Variants in DAB2IP observed in about 807,000 individuals in gnomAD.
DAB2IP encodes disabled homolog 2-interacting protein.
A neutral mutation model predicts 107.2 loss-of-function variants in DAB2IP; 28 were observed. That is an observed-to-expected ratio of 0.26 (90% CI 0.19 to 0.36). The LOEUF (loss-of-function observed/expected upper bound fraction) is 0.36, where lower values mean the gene tolerates loss of function less well. Ranked by LOEUF, DAB2IP falls within the 10% of genes least tolerant of loss-of-function variation. The pLI, the probability that DAB2IP is intolerant of heterozygous loss-of-function variation, is 1.00. For synonymous variants in DAB2IP, 755 were observed against 706.4 expected (o/e 1.07, Z -1.09); for missense variants, 1,400 against 1,644.7 (o/e 0.85, Z 2.57).
At chr9:121,596,036 T>C (rs1354859218) in intron 1 of DAB2IP, among the ~76,000 whole-genome samples, 1 of 151,764 alleles carries the variant, frequency 6.6e-6, no homozygotes, top group Non-Finnish European at 1.5e-5. Flanking sequence ...AATAAAAATA[T>C]TAGGCCAGGC....
At chr9:121,771,427 TC>T (rs1336526697) in intron 11 of DAB2IP, among the ~76,000 whole-genome samples, 1 of 152,020 alleles carries the variant, frequency 6.6e-6, no homozygotes, top group Non-Finnish European at 1.5e-5. Context: ...GAGTGTGGTC[TC>T]CCCCAAGGTG....
chr9:121,645,774 C>T (rs546713586), intron 1 of DAB2IP, among the ~76,000 whole-genome samples: 46 of 152,322 alleles, frequency 3.0e-4, no homozygotes, highest in African/African-American at 7.9e-4. Context: ...TCGGACATTC[C>T]GGGGCTTTAT....
At chr9:121,688,905 C>A (rs992977517) in intron 2 of DAB2IP, among the ~76,000 whole-genome samples, 5 of 152,226 alleles carry the variant, frequency 3.3e-5, no homozygotes, top group African/African-American at 1.2e-4. Context: ...AGCCCCCACA[C>A]TGGGTGTCTG....
intron 1 of DAB2IP, among the ~76,000 whole-genome samples, chr9:121,569,597 A>T (rs1589365523): frequency 6.6e-6 from 1 of 152,236 alleles, no homozygotes; most frequent in South Asian, 2.1e-4. Flanking sequence ...AGGCAGGTGG[A>T]TCACTTGAAG....
chr9:121,579,467 C>T (rs548177525), intron 1 of DAB2IP, among the ~76,000 whole-genome samples: 3 of 152,248 alleles, frequency 2.0e-5, no homozygotes, highest in Non-Finnish European at 2.9e-5. Flanking sequence ...CACCATCCCT[C>T]CTCACATCTG....
chr9:121,783,513 T>C (rs1487353949), exon 16 of DAB2IP: 1 of 1,613,632 alleles, frequency 6.2e-7, no homozygotes, highest in Non-Finnish European at 8.5e-7. Context: ...GGTGGATAAC[T>C]GTGATTTTTT....
At chr9:121,567,744 A>C (rs1452826253) in intron 1 of DAB2IP, among the ~76,000 whole-genome samples, 1 of 152,148 alleles carries the variant, frequency 6.6e-6, no homozygotes, top group Non-Finnish European at 1.5e-5. Flanking sequence ...GAAGCTCTGC[A>C]TGCATTATTG....
intron 1 of DAB2IP, among the ~76,000 whole-genome samples, chr9:121,600,429 G>A (rs749367142): frequency 6.6e-6 from 1 of 152,182 alleles, no homozygotes; most frequent in African/African-American, 2.4e-5. Flanking sequence ...AACGCCACCT[G>A]CTTCCAGTGC....
intron 3 of DAB2IP, chr9:121,737,367 C>A (rs1410399009): frequency 1.0e-6 from 1 of 985,350 alleles, no homozygotes; most frequent in East Asian, 1.1e-4. Flanking sequence ...ATGTTGTCAT[C>A]ACTGTGTTTA....
At chr9:121,652,080 C>A (rs1242354793) in intron 1 of DAB2IP, among the ~76,000 whole-genome samples, 181 bp downstream of exon 1, 2 of 152,158 alleles carry the variant, frequency 1.3e-5, no homozygotes, top group Non-Finnish European at 2.9e-5. Context: ...CCTCCTCTCG[C>A]CGGGGGAAGC....
At chr9:121,750,142 T>A (rs1391847408) in intron 3 of DAB2IP, among the ~76,000 whole-genome samples, 2 of 152,176 alleles carry the variant, frequency 1.3e-5, no homozygotes, top group East Asian at 3.9e-4. Context: ...GTCGTTATCC[T>A]CACTACGGAT....
At chr9:121,766,421 G>C (rs1252235561) in intron 8 of DAB2IP, 73 bp from the exon 9 acceptor site, 10 of 1,417,760 alleles carry the variant, frequency 7.1e-6, no homozygotes, top group Admixed American at 1.8e-5. Context: ...TGGAATGCAG[G>C]TTCCTGCTCT....
At chr9:121,642,553 G>A (rs1411321466) in intron 1 of DAB2IP, among the ~76,000 whole-genome samples, 1 of 130,450 alleles carries the variant, frequency 7.7e-6, no homozygotes, top group Non-Finnish European at 1.6e-5. Context: ...TCAAACTCCT[G>A]GGCTCAAGTG....
chr9:121,569,503 C>A (rs1829884546), intron 1 of DAB2IP, among the ~76,000 whole-genome samples: 1 of 152,204 alleles, frequency 6.6e-6, no homozygotes, highest in South Asian at 2.1e-4. Context: ...GTGACTCACA[C>A]AACAAAGATT....
In DAB2IP at chr9:121,760,576, C is replaced by G; in HGVS notation, c.1170+137C>G. 1 of 1,095,672 alleles carries G rather than the reference C, an allele frequency of 9.1e-7. No individual in the cohort carries two copies. The highest frequency in any genetic ancestry group is 1.6e-5 in the African/African-American group (1 of 63,184). 67.9% of individuals were successfully genotyped at this position (1,095,672 alleles called of 1,614,324 possible). ...CACTACCAGAAGGGCTCCCTAAACC[C>G]AAAAGTTCTATCGTGGGCTGGGGGT... On this transcript the variant is annotated intron_variant, in intron 6 of 15. Coordinates refer to ENST00000408936, the Ensembl canonical transcript of DAB2IP. This position sits in a 1 kb window ranked among gnomAD's most constrained non-coding sequence, Gnocchi z 5.9.
intron 3 of DAB2IP, among the ~76,000 whole-genome samples, chr9:121,755,756 G>A (rs1444297185): frequency 6.6e-6 from 1 of 152,174 alleles, no homozygotes; most frequent in African/African-American, 2.4e-5. Context: ...GCCTCAGCCC[G>A]CTGACCCGGG....
rs200515341 is a variant in DAB2IP at position 121,758,893 on chromosome 9, C to G, written c.517-5C>G. Reference sequence around the variant, plus strand: ...TCATAACACTGTCTTGCCTGCTCCCCACAGGTGACGACGTCATCAGGAAGC... The same window carrying G: ...TCATAACACTGTCTTGCCTGCTCCCGACAGGTGACGACGTCATCAGGAAGC... On this transcript the variant is annotated splice_polypyrimidine_tract_variant and splice_region_variant and intron_variant, in intron 4 of 15. Transcript: ENST00000408936. 43 of 1,612,462 alleles carry G rather than the reference C, an allele frequency of 2.7e-5. No individual in the cohort carries two copies. The East Asian group carries it at 8.0e-4, about 30-fold the overall frequency.
In DAB2IP at chr9:121,699,563, G is replaced by T. The variant is rs1172665219; in HGVS notation, c.362+105G>T. The T allele has an allele frequency of 3.8e-6, 4 of 1,045,234 alleles. No individual in the cohort carries two copies. 64.7% of individuals were successfully genotyped at this position (1,045,234 alleles called of 1,614,324 possible). On this transcript the variant is annotated intron_variant, in intron 3 of 15. Transcript: ENST00000408936. The surrounding 1 kb of genome is among the most constrained non-coding windows in gnomAD (Gnocchi z 6.2). ...CCCGGCCCGGGGCGAGCCACACGGC[G>T]GTGGGGGGACCCCACGCCGCCCGCC...
chr9:121,593,491 T>G (rs1402358018), intron 1 of DAB2IP, among the ~76,000 whole-genome samples: 1 of 151,894 alleles, frequency 6.6e-6, no homozygotes, highest in Non-Finnish European at 1.5e-5. Context: ...AGGCTGGTCT[T>G]GAACTCTTGG....
Sources: gnomAD v4.1 joint callset for allele counts (sites outside exome capture counted in the v4.1 genomes callset) on GRCh38, gnomAD v4.1.1 for gene constraint, Gnocchi (gnomAD v3.1) non-coding constraint, MANE v1.5 for transcripts, NCBI Gene and HGNC (gene_info 2026-07-23, HGNC 2026-07-21) for gene names.